Variants in FBN1 observed in about 807,000 individuals in gnomAD.
FBN1 encodes fibrillin-1.
FBN1 carries 29 observed loss-of-function variants against 365.1 expected under a neutral mutation model. That is an observed-to-expected ratio of 0.08 (90% CI 0.06 to 0.11). FBN1 has a LOEUF of 0.11. FBN1 is among the 10% of genes least tolerant of loss of function. FBN1 has a pLI of 1.00. For synonymous variants in FBN1, 1,210 were observed against 1,270.5 expected (o/e 0.95, Z 1.01); for missense variants, 2,476 against 3,703.2 (o/e 0.67, Z 8.60).
chr15:48,441,661 A>C, intron 50 of FBN1, 60 bp downstream of exon 50: 1 of 1,608,266 alleles, frequency 6.2e-7, no homozygotes, highest in Non-Finnish European at 8.5e-7. Flanking sequence ...TGTTTGAAAA[A>C]TAAGACCACC....
intron 4 of FBN1, among the ~76,000 whole-genome samples, chr15:48,603,187 A>G (rs777079323): frequency 3.3e-5 from 5 of 152,248 alleles, no homozygotes; most frequent in Non-Finnish European, 7.3e-5. Flanking sequence ...TCTTTCAGGC[A>G]AACCTTTTCC....
At chr15:48,589,867 C>A (rs953254378) in intron 6 of FBN1, among the ~76,000 whole-genome samples, 1 of 152,100 alleles carries the variant, frequency 6.6e-6, no homozygotes, top group Non-Finnish European at 1.5e-5. Flanking sequence ...TCGCCTGCCC[C>A]GGCCTCCCAA....
chr15:48,436,958 C>G lies in FBN1; in HGVS notation c.6496+3G>C. 1 of 1,550,972 alleles carries G rather than the reference C, an allele frequency of 6.4e-7. No individual in the cohort carries two copies. Among genetic ancestry groups the G allele is most frequent in the African/African-American group, 1.4e-5 (1 of 73,702 alleles). On this transcript the variant is annotated splice_donor_region_variant and intron_variant, in intron 53 of 65. Coordinates refer to ENST00000316623, the MANE Select transcript of FBN1 (RefSeq NM_000138.5). ...TTCCTATGGAAGAAAACTTATTACT[C>G]ACCTACACATTCATTCCCTGCTAGA...
intron 6 of FBN1, among the ~76,000 whole-genome samples, chr15:48,577,297 C>G (rs1022265912): frequency 1.3e-5 from 2 of 152,158 alleles, no homozygotes; most frequent in Admixed American, 6.5e-5. Context: ...CAATAGTGTT[C>G]TCAAGATTCT....
At chr15:48,639,879 T>C (rs140731342) in intron 2 of FBN1, among the ~76,000 whole-genome samples, 1 of 152,320 alleles carries the variant, frequency 6.6e-6, no homozygotes, top group African/African-American at 2.4e-5. Flanking sequence ...ATTTGTAAAA[T>C]CTTATTTTCA....
intron 4 of FBN1, 96 bp downstream of exon 4, chr15:48,610,632 G>A (rs2044649059): frequency 6.7e-6 from 6 of 891,258 alleles, no homozygotes; most frequent in East Asian, 5.3e-5. Context: ...GTGAAAAAAT[G>A]TATTGCAGGA....
chr15:48,438,537 G>A (rs1276620308), intron 50 of FBN1, among the ~76,000 whole-genome samples: 1 of 152,088 alleles, frequency 6.6e-6, no homozygotes, highest in Non-Finnish European at 1.5e-5. Context: ...AATGCAAGTG[G>A]GGCTTTTTGT....
At chr15:48,507,907 T>C (rs937903147) in intron 15 of FBN1, among the ~76,000 whole-genome samples, 11 of 152,296 alleles carry the variant, frequency 7.2e-5, no homozygotes, top group African/African-American at 2.4e-4. Context: ...TTGTCTCCAG[T>C]AACTTTTCTT....
chr15:48,621,564 A>C (rs1186375977), intron 2 of FBN1, among the ~76,000 whole-genome samples: 1 of 152,236 alleles, frequency 6.6e-6, no homozygotes, highest in Non-Finnish European at 1.5e-5. Flanking sequence ...CAGCTAAGTC[A>C]AGTCTAAGAA....
chr15:48,458,982 T>C (rs560098720), intron 43 of FBN1, among the ~76,000 whole-genome samples: 3 of 152,372 alleles, frequency 2.0e-5, no homozygotes, highest in African/African-American at 7.2e-5. Flanking sequence ...GACTGTGTTC[T>C]GGTCCCAGCT....
intron 6 of FBN1, among the ~76,000 whole-genome samples, chr15:48,587,237 T>G (rs2044443833): frequency 6.6e-6 from 1 of 152,176 alleles, no homozygotes; most frequent in Admixed American, 6.5e-5. Flanking sequence ...ACATAAACAT[T>G]AAGTGTTCTG....
chr15:48,566,517 T>A (rs536574208), intron 6 of FBN1, among the ~76,000 whole-genome samples: 3 of 152,214 alleles, frequency 2.0e-5, no homozygotes, highest in Non-Finnish European at 2.9e-5. Context: ...ACACTAATCT[T>A]CCTGAATCAT....
intron 6 of FBN1, among the ~76,000 whole-genome samples, chr15:48,540,229 ATTACT>A (rs552818780): frequency 1.2e-4 from 18 of 152,148 alleles, no homozygotes; most frequent in Non-Finnish European, 2.1e-4. Context: ...AAATTAAGTA[ATTACT>A]TTAGACAATT....
intron 64 of FBN1, among the ~76,000 whole-genome samples, chr15:48,414,562 A>G (rs2042887172): frequency 6.6e-6 from 1 of 152,206 alleles, no homozygotes; most frequent in East Asian, 1.9e-4. Flanking sequence ...CAAACTTTGA[A>G]AACTTAACAC....
chr15:48,533,793 A>T (rs988621592), intron 8 of FBN1, among the ~76,000 whole-genome samples: 4 of 152,198 alleles, frequency 2.6e-5, no homozygotes, highest in African/African-American at 9.7e-5. Context: ...TGTGTGTTGA[A>T]CATTTTAAAC....
At position 48,520,747 on chromosome 15, in the gene FBN1, T is replaced by A; in HGVS notation, c.1059A>T (p.Ile353=). 6.2e-7 allele frequency: 1 copy of A among 1,614,150 alleles called. No individual in the cohort carries two copies. The highest frequency in any genetic ancestry group is 1.3e-5 in the African/African-American group (1 of 75,026). The change falls in exon 10 of 66, where the codon ATA becomes ATT. Residue 353 remains isoleucine (I), a synonymous_variant. Coordinates refer to ENST00000316623, the MANE Select transcript of FBN1 (RefSeq NM_000138.5). ...CATCACAGCAGCACTGCATTTTGGTTATGGACTGTGGCAGCTGGTTAGAGC... is the reference window on the plus strand; with the variant it reads ...CATCACAGCAGCACTGCATTTTGGTAATGGACTGTGGCAGCTGGTTAGAGC... ...GRCSNQLPQS[I]TKMQCCCDAG... is the part of the protein sequence containing the mutation.
At chr15:48,608,645 A>C (rs999198248) in intron 4 of FBN1, among the ~76,000 whole-genome samples, 3 of 152,202 alleles carry the variant, frequency 2.0e-5, no homozygotes, top group African/African-American at 7.2e-5. Context: ...CCTCCTCCTT[A>C]CACTACTCTC....
At chr15:48,425,915 T>G (rs778677976) in intron 58 of FBN1, 51 bp from the exon 59 acceptor site, 5 of 1,448,358 alleles carry the variant, frequency 3.5e-6, no homozygotes, top group Non-Finnish European at 4.8e-6. Context: ...ATTGACAACA[T>G]TAATATGTAG....
intron 6 of FBN1, among the ~76,000 whole-genome samples, chr15:48,559,829 G>A (rs2044210367): frequency 6.6e-6 from 1 of 152,156 alleles, no homozygotes; most frequent in Admixed American, 6.6e-5. Flanking sequence ...AGTGAAAGAC[G>A]AAGTATTTTA....
Sources: gnomAD v4.1 joint callset for allele counts (sites outside exome capture counted in the v4.1 genomes callset) on GRCh38, gnomAD v4.1.1 for gene constraint, MANE v1.5 for transcripts, NCBI Gene and HGNC (gene_info 2026-07-23, HGNC 2026-07-21) for gene names.